The following NDC1 variants were observed in gnomAD, a reference collection of about 807,000 sequenced individuals.
The protein encoded by NDC1 is nucleoporin NDC1.
Under a neutral mutation model 89.8 loss-of-function variants are expected in NDC1, and 24 were observed. The observed-to-expected ratio is 0.27, with a 90% CI of 0.19 to 0.38. The LOEUF is 0.38. Ranked by LOEUF, NDC1 falls within the 10% of genes least tolerant of loss-of-function variation. The pLI, the probability that NDC1 is intolerant of heterozygous loss-of-function variation, is 1.00. For missense variants in NDC1, 728 were observed against 797.6 expected (o/e 0.91, Z 1.05); for synonymous variants, 296 against 284.8 (o/e 1.04, Z -0.39).
In NDC1 at chr1:53,825,846, G is replaced by A. The variant is rs374392026; in HGVS notation, c.546C>T (p.Leu182=). The part of the protein sequence containing the change: ...TGAFMGYSYS[L]LYFVNNMNYL... ...AGTTCATGTTGTTAACAAAATACAG[G>A]AGGCTATAGCTATAGCCCATAAATG... Residue 182 remains leucine (L), a synonymous_variant, in exon 5 of 18, where the codon CTC becomes CTT. Coordinates refer to ENST00000371429, the MANE Select transcript of NDC1 (RefSeq NM_018087.5). 4 of 1,605,226 alleles carry A rather than the reference G, an allele frequency of 2.5e-6. No individual in the cohort carries two copies. In the African/African-American group the frequency reaches 4.0e-5, roughly 16 times the overall value.
intron 6 of NDC1, among the ~76,000 whole-genome samples, chr1:53,815,291 G>T (rs1036160187): frequency 6.6e-6 from 1 of 152,140 alleles, no homozygotes; most frequent in Non-Finnish European, 1.5e-5. Flanking sequence ...TGCAGGGATG[G>T]TTTAACATAC....
rs148544716 is a variant in NDC1, at chr1:53,800,570, C to T, written c.1222+123G>A. The stretch of plus-strand genomic sequence containing the variant: ...TCGATCTCTTGACCTCATGATCCGC[C>T]CACCTCGGCCTCCCAAAGTGCGGGG... On this transcript the variant is annotated intron_variant, in intron 11 of 17. Transcript: ENST00000371429. 1,458 of 959,482 alleles carry T rather than the reference C, an allele frequency of 1.5e-3. 12 individuals carry two copies. In the African/African-American group the frequency reaches 0.022, roughly 14 times the overall value. The allele number at this position is 959,482 out of a possible 1,614,324, so 59.4% of individuals were successfully genotyped here.
At position 53,772,735 on chromosome 1, in the gene NDC1, CATAAT is replaced by C. The variant is rs1338440387; in HGVS notation, c.1801-251_1801-247del. Among the ~76,000 whole-genome samples the C allele has an allele frequency of 3.2e-3, 433 of 135,646 alleles. 2 individuals carry two copies. The highest frequency in any genetic ancestry group is 0.01 in the African/African-American group (363 of 35,404). 89.0% of individuals were successfully genotyped at this position (135,646 alleles called of 152,430 possible). On this transcript the variant is annotated intron_variant, in intron 16 of 17. Transcript: ENST00000371429. ...ACATAACATAACAAAACAAAACAAA[CATAAT>C]ATAACATAAAATAAAATAAAATAAA...
chr1:53,832,191 A>C (rs1649088949), intron 3 of NDC1, among the ~76,000 whole-genome samples: 1 of 150,302 alleles, frequency 6.7e-6, no homozygotes, highest in African/African-American at 2.5e-5. Context: ...GCAATTCTCC[A>C]CTCCCCCTCC....
intron 9 of NDC1, among the ~76,000 whole-genome samples, chr1:53,805,177 C>T (rs896112481): frequency 3.9e-5 from 6 of 152,066 alleles, no homozygotes; most frequent in African/African-American, 1.4e-4. Context: ...TAACTACTTT[C>T]TTTTAGCATT....
At chr1:53,812,925 A>C (rs1210664083) in intron 6 of NDC1, among the ~76,000 whole-genome samples, 1 of 152,200 alleles carries the variant, frequency 6.6e-6, no homozygotes, top group Non-Finnish European at 1.5e-5. Context: ...GAAACCCGAC[A>C]AGCTAGAAGG....
At chr1:53,797,198 C>A in intron 11 of NDC1, 54 bp from the exon 12 acceptor site, 1 of 1,571,464 alleles carries the variant, frequency 6.4e-7, no homozygotes, top group South Asian at 1.2e-5. Context: ...AGCAGGCTAG[C>A]AGCAACGCTT....
intron 17 of NDC1, among the ~76,000 whole-genome samples, chr1:53,768,925 CA>C (rs1218203185): frequency 6.6e-6 from 1 of 152,146 alleles, no homozygotes; most frequent in Non-Finnish European, 1.5e-5. Flanking sequence ...GTGGCTTTCC[CA>C]TTATATTTCT....
rs1648570577 is a variant in NDC1, at chr1:53,819,045, A to G, written c.629T>C (p.Leu210Pro). 3.2e-6 allele frequency: 5 copies of G among 1,582,938 alleles called. No individual in the cohort carries two copies. The highest frequency in any genetic ancestry group is 3.4e-6 in the Non-Finnish European group (4 of 1,166,390). The change falls in exon 6 of 18, where the codon CTC becomes CCC. Residue 210 changes from leucine to proline, a missense_variant. By Grantham distance (98) the Leu-to-Pro change is moderately conservative. Transcript: ENST00000371429. The stretch of plus-strand genomic sequence containing the variant: ...CACACAACTGTGTTTAACTAATAAG[A>G]GCAGAGATCTCCTAAAACGCAAGAA... ...YKFLRFRRSL[L>P]LLVKHSCVES...
At chr1:53,800,332 C>CTTTTTTTTTTTTTTTTTTTTTTTTTT (rs1158363485) in intron 11 of NDC1, among the ~76,000 whole-genome samples, 1 of 80,646 alleles carries the variant, frequency 1.2e-5, no homozygotes, top group African/African-American at 4.8e-5. Context: ...CTACAGTCAT[C>CTTTTTTTTTTTTTTTTTTTTTTTTTT]TTTTTTTTTT....
intron 16 of NDC1, among the ~76,000 whole-genome samples, chr1:53,785,072 G>T (rs1450087406): frequency 1.3e-5 from 2 of 152,132 alleles, no homozygotes; most frequent in African/African-American, 2.4e-5. Context: ...CCACCTAGGA[G>T]ATTGTGTGTG....
chr1:53,837,287 T>C (rs1348425090), intron 1 of NDC1, among the ~76,000 whole-genome samples: 1 of 152,188 alleles, frequency 6.6e-6, no homozygotes, highest in Non-Finnish European at 1.5e-5. Flanking sequence ...AAAAAAATTT[T>C]AGAGGCCAGG....
chr1:53,793,266 A>C lies in NDC1; in HGVS notation c.1598T>G (p.Leu533Trp), dbSNP rs1644699286. ...ATACATTATCAGCACCCGTTTTGAC[A>C]AGAAATTCTTAATCTGAGTTGGAAA... ...QNKREQIKNF[L>W]SKRVLIMYFF... Residue 533 changes from leucine (L) to tryptophan (W), a missense_variant, in exon 14 of 18, where the codon TTG becomes TGG. Physicochemically the swap from Leu to Trp is moderately conservative, Grantham distance 61 (BLOSUM62 -2). Transcript: ENST00000371429. The C allele has an allele frequency of 6.2e-7, 1 of 1,610,998 alleles. No homozygotes were observed. Among genetic ancestry groups the C allele is most frequent in the African/African-American group, 1.3e-5 (1 of 74,902 alleles).
At chr1:53,785,669 T>A (rs770447968) in intron 16 of NDC1, among the ~76,000 whole-genome samples, 1 of 151,826 alleles carries the variant, frequency 6.6e-6, no homozygotes, top group Non-Finnish European at 1.5e-5. Flanking sequence ...ACCTCCCGGG[T>A]TCAAGCGGTT....
chr1:53,827,855 A>C, intron 4 of NDC1, 144 bp downstream of exon 4: 1 of 563,242 alleles, frequency 1.8e-6, no homozygotes, highest in Non-Finnish European at 2.9e-6. Flanking sequence ...ATAAACACAA[A>C]ATATTAAAAA....
Position 53,807,777 on chromosome 1 carries a change from G to A in NDC1, c.770C>T (p.Pro257Leu), listed in dbSNP as rs762246216. The change falls in exon 8 of 18, where the codon CCA (proline) becomes CTA (leucine). Residue 257 changes from proline to leucine, a missense_variant. Physicochemically the swap from Pro to Leu is moderately conservative, Grantham distance 98 (BLOSUM62 -3). Coordinates refer to ENST00000371429, the MANE Select transcript of NDC1 (RefSeq NM_018087.5). ...NLHIDEQVHRPLDTVSGLLNL... is the reference protein window; with the variant it reads ...NLHIDEQVHRLLDTVSGLLNL... ...TAAGAGGCCACTCACTGTGTCAAGT[G>A]GCCTATGAACCTGCCTGTGAATGCA... The A allele has an allele frequency of 7.5e-6, 12 of 1,607,672 alleles. No homozygotes were observed. In the African/African-American group the frequency reaches 1.5e-4, roughly 20 times the overall value.
intron 6 of NDC1, among the ~76,000 whole-genome samples, chr1:53,816,634 GAAACAAA>G (rs1354667239): frequency 2.2e-5 from 3 of 136,042 alleles, no homozygotes; most frequent in African/African-American, 9.0e-5. Flanking sequence ...TTTGCATGGG[GAAACAAA>G]AAACAAAAAA....
chr1:53,824,238 AAAAAAAAAAAAAG>A (rs748157224), intron 5 of NDC1, among the ~76,000 whole-genome samples: 184 of 138,674 alleles, frequency 1.3e-3, no homozygotes, highest in Admixed American at 3.7e-3. Flanking sequence ...TTTCTCGAAA[AAAAAAAAAAAAAG>A]AAAAAAGAAA....
intron 13 of NDC1, among the ~76,000 whole-genome samples, chr1:53,793,616 G>A (rs1004972790): frequency 5.9e-5 from 9 of 152,040 alleles, no homozygotes; most frequent in Middle Eastern, 3.4e-3. Context: ...TTCAGAAACA[G>A]GGTCTCGCTT....
Sources: allele counts gnomAD v4.1 joint callset (sites outside exome capture counted in the v4.1 genomes callset), GRCh38; gene constraint gnomAD v4.1.1; transcripts MANE v1.5; gene names NCBI Gene and HGNC (gene_info 2026-07-23, HGNC 2026-07-21).